Variants in AK9 observed in about 807,000 individuals in gnomAD.
The protein encoded by AK9 is adenylate kinase 9, also known as adenylate kinase domain containing 1.
A neutral mutation model predicts 239.6 loss-of-function variants in AK9; 191 were observed. The ratio of observed to expected loss-of-function variants is 0.80; its 90% CI spans 0.71 to 0.90. The LOEUF (loss-of-function observed/expected upper bound fraction) is 0.90, where lower values mean the gene tolerates loss of function less well. Among genes scored for constraint, AK9 ranks in the 40% least tolerant of loss-of-function variants. AK9 has a pLI of 0.00. For missense variants in AK9, 1,995 were observed against 2,214.7 expected (o/e 0.90, Z 1.99); for synonymous variants, 689 against 721.0 (o/e 0.96, Z 0.71).
At chr6:109,600,410 G>C (rs970001557) in intron 17 of AK9, among the ~76,000 whole-genome samples, 2 of 152,260 alleles carry the variant, frequency 1.3e-5, no homozygotes, top group South Asian at 4.1e-4. Flanking sequence ...AACCAGCCTT[G>C]CATCCCAGGG....
At chr6:109,562,084 T>C (rs1397514720) in intron 24 of AK9, among the ~76,000 whole-genome samples, 1 of 152,120 alleles carries the variant, frequency 6.6e-6, no homozygotes, top group Non-Finnish European at 1.5e-5. Context: ...AATGCTCAAC[T>C]GGTATATATT....
intron 31 of AK9, 150 bp downstream of exon 31, chr6:109,515,707 T>C (rs1362456551): frequency 1.3e-6 from 1 of 758,258 alleles, no homozygotes; most frequent in Non-Finnish European, 2.1e-6. Context: ...TGATTCCATT[T>C]TAAATCCCAA....
intron 17 of AK9, among the ~76,000 whole-genome samples, chr6:109,597,955 C>T (rs1036347906): frequency 2.0e-5 from 3 of 152,228 alleles, no homozygotes; most frequent in Middle Eastern, 3.4e-3. Flanking sequence ...ACATCCCTTG[C>T]TTGCTTTTTG....
At chr6:109,647,921 C>T (rs1263988023) in intron 8 of AK9, among the ~76,000 whole-genome samples, 3 of 152,100 alleles carry the variant, frequency 2.0e-5, no homozygotes, top group African/African-American at 7.2e-5. Context: ...AACTAGAACT[C>T]AGGATTAAGA....
At chr6:109,495,255 G>A (rs1312039451) in intron 39 of AK9, 83 bp downstream of exon 39, 8 of 1,130,546 alleles carry the variant, frequency 7.1e-6, no homozygotes, top group Middle Eastern at 4.2e-4. Flanking sequence ...GAATTTTATT[G>A]TTCCCAAAAT....
chr6:109,538,825 G>T (rs1278247853), intron 27 of AK9, among the ~76,000 whole-genome samples: 1 of 152,054 alleles, frequency 6.6e-6, no homozygotes, highest in East Asian at 1.9e-4. Context: ...CTCAGCATTT[G>T]CTTGTCTGTA....
At chr6:109,526,569 C>T (rs1038560727) in intron 29 of AK9, among the ~76,000 whole-genome samples, 1 of 151,748 alleles carries the variant, frequency 6.6e-6, no homozygotes, top group Non-Finnish European at 1.5e-5. Flanking sequence ...GCCAGGAGAG[C>T]GATGGATTTT....
At chr6:109,593,174 C>T (rs944931719) in intron 17 of AK9, among the ~76,000 whole-genome samples, 1 of 151,978 alleles carries the variant, frequency 6.6e-6, no homozygotes, top group African/African-American at 2.4e-5. Context: ...CTGTATTTTG[C>T]AATTCCTTCA....
rs866831476 is a variant in AK9, at chr6:109,665,994, G to A, written c.332-3331C>T. Among the ~76,000 whole-genome samples the A allele has an allele frequency of 6.6e-5, 10 of 152,172 alleles. No homozygotes were observed. In the South Asian group the frequency reaches 8.3e-4, roughly 13 times the overall value. On this transcript the variant is annotated intron_variant, in intron 5 of 40. Coordinates refer to ENST00000424296, the MANE Select transcript of AK9 (RefSeq NM_001145128.3). ...GGAATGCTGAACTTCTGGTGTACATGTATATTGGAATGATGTTCATACTTG... is the reference window on the plus strand; with the variant it reads ...GGAATGCTGAACTTCTGGTGTACATATATATTGGAATGATGTTCATACTTG...
Position 109,515,947 on chromosome 6 carries a change from T to G in AK9, c.3975A>C (p.Lys1325Asn), listed in dbSNP as rs771950164. 1 of 1,551,758 alleles carries G rather than the reference T, an allele frequency of 6.4e-7. No individual in the cohort carries two copies. The highest frequency in any genetic ancestry group is 1.2e-5 in the South Asian group (1 of 84,054). ...CAAGGGGTGCTGGTATTGGATGACA[T>G]TTCTCAAAAATGCTTGCACGATTTT... ...LVENRASIFE[K>N]CHPIPAPLAQ... Residue 1325 changes from lysine to asparagine, a missense_variant, in exon 31 of 41, where the codon AAA (lysine) becomes AAC (asparagine). Physicochemically the swap from Lys to Asn is moderately conservative, Grantham distance 94 (BLOSUM62 0). Coordinates refer to ENST00000424296, the MANE Select transcript of AK9 (RefSeq NM_001145128.3).
rs763908414 is a variant in AK9, at chr6:109,533,253, T to A, written c.3568A>T (p.Arg1190Trp). The part of the protein sequence containing the change: ...KLIKDMKAKI[R>W]VDTIAKRRAE... ...ATGCATTTTTGCTAGATACATACCC[T>A]GATTTTTGCCTTCATGTCTTTGATC... Residue 1190 changes from arginine (R) to tryptophan (W), a missense_variant and splice_region_variant, in exon 28 of 41, where the codon AGG (arginine) becomes TGG (tryptophan). By Grantham distance (101) the Arg-to-Trp change is moderately radical. Coordinates refer to ENST00000424296, the MANE Select transcript of AK9 (RefSeq NM_001145128.3). The A allele has an allele frequency of 3.1e-6, 5 of 1,603,462 alleles. No individual in the cohort carries two copies. The highest frequency in any genetic ancestry group is 4.3e-6 in the Non-Finnish European group (5 of 1,175,534).
intron 35 of AK9, among the ~76,000 whole-genome samples, chr6:109,503,528 G>C (rs545540853): frequency 6.6e-6 from 1 of 152,272 alleles, no homozygotes; most frequent in African/African-American, 2.4e-5. Flanking sequence ...CCTGGTAGGA[G>C]AGGATCATTT....
chr6:109,665,348 C>A (rs1036439376), intron 5 of AK9, among the ~76,000 whole-genome samples: 5 of 152,086 alleles, frequency 3.3e-5, no homozygotes, highest in African/African-American at 4.8e-5. Context: ...GCGTGGTATC[C>A]CCAAGGCATC....
At chr6:109,685,755 G>A (rs1021292840) in intron 1 of AK9, among the ~76,000 whole-genome samples, 3 of 152,126 alleles carry the variant, frequency 2.0e-5, no homozygotes, top group Admixed American at 1.3e-4. Context: ...AAAAGGCCAA[G>A]TGGAAGCTCA....
chr6:109,620,089 G>C (rs1384100403), intron 12 of AK9, among the ~76,000 whole-genome samples: 1 of 152,000 alleles, frequency 6.6e-6, no homozygotes, highest in Non-Finnish European at 1.5e-5. Flanking sequence ...TCTAGGTTTT[G>C]GTTATTATGA....
chr6:109,550,409 A>G (rs1784222191), intron 24 of AK9, 107 bp from the exon 25 acceptor site: 1 of 966,776 alleles, frequency 1.0e-6, no homozygotes, highest in African/African-American at 1.7e-5. Flanking sequence ...TAGCAACTTG[A>G]AAACTATCCA....
chr6:109,670,890 A>G (rs1008801022), intron 5 of AK9, among the ~76,000 whole-genome samples: 18 of 152,154 alleles, frequency 1.2e-4, no homozygotes, highest in African/African-American at 4.1e-4. Context: ...GTGGATAGAT[A>G]GGTAGATAGT....
At chr6:109,649,245 A>C (rs1442485030) in intron 8 of AK9, among the ~76,000 whole-genome samples, 1 of 152,024 alleles carries the variant, frequency 6.6e-6, no homozygotes, top group Non-Finnish European at 1.5e-5. Context: ...TGGCCAGGGC[A>C]ATCAGGCAGG....
At chr6:109,591,636 A>C (rs1306872506) in intron 17 of AK9, among the ~76,000 whole-genome samples, 2 of 152,168 alleles carry the variant, frequency 1.3e-5, no homozygotes, top group African/African-American at 4.8e-5. Flanking sequence ...TTATACTTGC[A>C]AAGAGTTTAA....
Sources: gnomAD v4.1 joint callset for allele counts (sites outside exome capture counted in the v4.1 genomes callset) on GRCh38, gnomAD v4.1.1 for gene constraint, MANE v1.5 for transcripts, NCBI Gene and HGNC (gene_info 2026-07-23, HGNC 2026-07-21) for gene names.